The following MAPK10 variants were observed in gnomAD, a reference collection of about 807,000 sequenced individuals.
The protein encoded by MAPK10 is mitogen-activated protein kinase 10.
A neutral mutation model predicts 59.3 loss-of-function variants in MAPK10; 25 were observed. The ratio of observed to expected loss-of-function variants is 0.42; its 90% CI spans 0.31 to 0.59. The LOEUF (loss-of-function observed/expected upper bound fraction) is 0.59. MAPK10 is among the 20% of genes least tolerant of loss of function. The pLI, the probability that MAPK10 is intolerant of heterozygous loss-of-function variation, is 0.15. For synonymous variants in MAPK10, 190 were observed against 200.5 expected, an observed-to-expected ratio of 0.95 and a Z score of 0.44; for missense variants, 351 against 568.9, an observed-to-expected ratio of 0.62 and a Z score of 3.90.
chr4:86,042,280 A>G (rs1475758616), intron 11 of MAPK10, among the ~76,000 whole-genome samples: 1 of 152,206 alleles, frequency 6.6e-6, no homozygotes, highest in Non-Finnish European at 1.5e-5. Context: ...CAATGAGAAC[A>G]CATGGACACA....
chr4:86,162,413 CA>C (rs1696345103), intron 3 of MAPK10, among the ~76,000 whole-genome samples: 2 of 151,868 alleles, frequency 1.3e-5, no homozygotes, highest in Non-Finnish European at 2.9e-5. Context: ...TCCTTGGCTA[CA>C]AGGATCAATA....
At chr4:86,344,022 T>C (rs1250628385) in intron 2 of MAPK10, among the ~76,000 whole-genome samples, 1 of 152,244 alleles carries the variant, frequency 6.6e-6, no homozygotes, top group Non-Finnish European at 1.5e-5. Flanking sequence ...ATTCTTTAGG[T>C]TTCTCATTAC....
chr4:86,435,361 G>A (rs1748585718), intron 1 of MAPK10, among the ~76,000 whole-genome samples: 2 of 151,830 alleles, frequency 1.3e-5, no homozygotes, highest in Admixed American at 1.3e-4. Context: ...ACCGGGCATC[G>A]TGGCAGGCGC....
chr4:86,077,578 G>A (rs1467020491), intron 9 of MAPK10, among the ~76,000 whole-genome samples: 3 of 152,104 alleles, frequency 2.0e-5, no homozygotes, highest in East Asian at 1.9e-4. Flanking sequence ...TTCTGTTTAT[G>A]TTTTCTTCTA....
chr4:86,568,681 A>G (rs936512301), intron 1 of MAPK10, among the ~76,000 whole-genome samples: 1 of 152,182 alleles, frequency 6.6e-6, no homozygotes, highest in African/African-American at 2.4e-5. Flanking sequence ...GTTGACAAAA[A>G]TATACACTGG....
intron 1 of MAPK10, among the ~76,000 whole-genome samples, chr4:86,582,399 C>CA (rs1323439835): frequency 1.3e-5 from 2 of 152,026 alleles, no homozygotes; most frequent in East Asian, 3.9e-4. Flanking sequence ...TAGTTTGAAA[C>CA]AGACAAAATC....
At chr4:86,500,888 T>C (rs1272762918) in intron 1 of MAPK10, among the ~76,000 whole-genome samples, 1 of 152,068 alleles carries the variant, frequency 6.6e-6, no homozygotes, top group Non-Finnish European at 1.5e-5. Context: ...CCAGCACAAT[T>C]TAAATCTATA....
chr4:86,224,034 T>C (rs954804294), intron 2 of MAPK10, among the ~76,000 whole-genome samples: 1 of 151,236 alleles, frequency 6.6e-6, no homozygotes, highest in Non-Finnish European at 1.5e-5. Context: ...CTAGTTTTTA[T>C]GTAAACCTTT....
chr4:86,538,316 T>C (rs1449620325), intron 1 of MAPK10, among the ~76,000 whole-genome samples: 5 of 152,040 alleles, frequency 3.3e-5, no homozygotes, highest in African/African-American at 1.2e-4. Flanking sequence ...CTAGCTAATT[T>C]TGTGTTTTTA....
chr4:86,406,577 C>T (rs1744389957), intron 1 of MAPK10, among the ~76,000 whole-genome samples: 1 of 152,222 alleles, frequency 6.6e-6, no homozygotes, highest in South Asian at 2.1e-4. Flanking sequence ...AATTCCAGTT[C>T]TCTGCACTGA....
At chr4:86,091,531 C>T (rs940967554) in intron 9 of MAPK10, 1 of 141,670 alleles carries the variant, frequency 7.1e-6, no homozygotes, top group African/African-American at 2.6e-5. Context: ...GGCTAAAATC[C>T]CTTGATTTTT....
At chr4:86,375,843 C>T (rs1739722332) in intron 1 of MAPK10, among the ~76,000 whole-genome samples, 1 of 151,808 alleles carries the variant, frequency 6.6e-6, no homozygotes, top group South Asian at 2.1e-4. Flanking sequence ...TATGTGTGAA[C>T]CTCATACAAC....
At chr4:86,469,435 T>TATTG (rs1275662279) in intron 1 of MAPK10, among the ~76,000 whole-genome samples, 1 of 151,952 alleles carries the variant, frequency 6.6e-6, no homozygotes, top group Non-Finnish European at 1.5e-5. Context: ...AGAACAAGAG[T>TATTG]ATTGGGCAGG....
intron 9 of MAPK10, among the ~76,000 whole-genome samples, chr4:86,069,327 A>AT (rs765778732): frequency 6.6e-6 from 1 of 152,118 alleles, no homozygotes; most frequent in Non-Finnish European, 1.5e-5. Flanking sequence ...TGGAATAAAA[A>AT]ATATATAACC....
At chr4:86,527,597 T>C (rs1757563052) in intron 1 of MAPK10, among the ~76,000 whole-genome samples, 1 of 152,128 alleles carries the variant, frequency 6.6e-6, no homozygotes, top group Non-Finnish European at 1.5e-5. Context: ...TGGAAAGCAG[T>C]TTGGAGATTT....
chr4:86,337,214 G>A (rs11097104), intron 2 of MAPK10, among the ~76,000 whole-genome samples: 111,797 of 152,134 alleles, frequency 0.73, 41,593 homozygotes, highest in South Asian at 0.9. Flanking sequence ...CTTGGAATCA[G>A]TATGGTAACT....
At chr4:86,238,414 T>C (rs943325755) in intron 2 of MAPK10, among the ~76,000 whole-genome samples, 2 of 152,228 alleles carry the variant, frequency 1.3e-5, no homozygotes, top group African/African-American at 4.8e-5. Context: ...GGGAATAGCA[T>C]TGAATCTATA....
intron 1 of MAPK10, among the ~76,000 whole-genome samples, chr4:86,452,399 G>C (rs1247806093): frequency 6.6e-6 from 1 of 152,102 alleles, no homozygotes; most frequent in Non-Finnish European, 1.5e-5. Flanking sequence ...AGAAATTATT[G>C]TAGGCATGGA....
intron 3 of MAPK10, among the ~76,000 whole-genome samples, chr4:86,189,610 C>T (rs1189238737): frequency 6.6e-6 from 1 of 152,136 alleles, no homozygotes; most frequent in African/African-American, 2.4e-5. Flanking sequence ...TATCTTGAGA[C>T]TTTGCTGAAG....
Sources: allele counts gnomAD v4.1 joint callset (sites outside exome capture counted in the v4.1 genomes callset), GRCh38; gene constraint gnomAD v4.1.1; transcripts MANE v1.5; gene names NCBI Gene and HGNC (gene_info 2026-07-23, HGNC 2026-07-21).